The following ATXN7 variants were observed in gnomAD, a reference collection of about 807,000 sequenced individuals.
ATXN7 encodes ataxin 7.
In ATXN7, 12 loss-of-function variants were observed where a neutral mutation model predicts 70.5. The ratio of observed to expected loss-of-function variants is 0.17; its 90% CI spans 0.11 to 0.28. The LOEUF (loss-of-function observed/expected upper bound fraction) is 0.28. ATXN7 is among the 10% of genes least tolerant of loss of function. The pLI is 1.00. For synonymous variants in ATXN7, 498 were observed against 448.7 expected, an observed-to-expected ratio of 1.11 and a Z score of -1.39; for missense variants, 1,256 against 1,131.7, an observed-to-expected ratio of 1.11 and a Z score of -1.58.
In ATXN7 at chr3:63,996,338, G is replaced by A; in HGVS notation, c.2516G>A (p.Cys839Tyr). 2 of 1,614,148 alleles carry A rather than the reference G, an allele frequency of 1.2e-6. No homozygotes were observed. Among genetic ancestry groups the A allele is most frequent in the Non-Finnish European group, 1.7e-6 (2 of 1,180,024 alleles). The change falls in exon 12 of 13, where the codon TGC becomes TAC. Residue 839 changes from cysteine to tyrosine, a missense_variant. By Grantham distance (194) the Cys-to-Tyr change is radical (BLOSUM62 -2). Coordinates refer to ENST00000674280, the MANE Select transcript of ATXN7 (RefSeq NM_001377405.1). ...AAACTCATAGGAAAGAAAAGAAAGTGCTCACCCAGCTCGAGCAGCATCAAC... is the reference window on the plus strand; with the variant it reads ...AAACTCATAGGAAAGAAAAGAAAGTACTCACCCAGCTCGAGCAGCATCAAC... ...LDKLIGKKRK[C>Y]SPSSSSINNS...
At chr3:63,929,645 A>G (rs1169380261) in intron 4 of ATXN7, among the ~76,000 whole-genome samples, 2 of 152,126 alleles carry the variant, frequency 1.3e-5, no homozygotes, top group Non-Finnish European at 2.9e-5. Context: ...GATATTAAGT[A>G]ACTAAGTAGA....
At chr3:63,998,201 G>T in intron 12 of ATXN7, 1 of 692,992 alleles carries the variant, frequency 1.4e-6, no homozygotes, top group Non-Finnish European at 1.7e-6. Context: ...AAGGACAGAA[G>T]GGGGGGGGGC....
rs565274826 is a variant in ATXN7, at chr3:63,952,154, T to C, written c.395-225T>C. 1.4e-4 allele frequency among the ~76,000 whole-genome samples: 22 copies of C among 152,362 alleles called. No homozygotes were observed. In the South Asian group the frequency reaches 4.3e-3, roughly 30 times the overall value. ...TATTCATTGTTTGCATTTTAAAAGA[T>C]TGTTTCACCACATCATAATTATTTT... On this transcript the variant is annotated intron_variant, in intron 4 of 12. Transcript: ENST00000674280.
intron 5 of ATXN7, among the ~76,000 whole-genome samples, chr3:63,976,037 G>A (rs912670254): frequency 3.9e-5 from 6 of 152,142 alleles, no homozygotes; most frequent in South Asian, 2.1e-4. Context: ...AGAGAGGAGC[G>A]CTTTGAAAAC....
At chr3:63,866,280 C>G (rs1044248978) in intron 1 of ATXN7, among the ~76,000 whole-genome samples, 2 of 152,134 alleles carry the variant, frequency 1.3e-5, no homozygotes, top group South Asian at 2.1e-4. Context: ...CAGGACCTTC[C>G]TCTGTTGCCT....
intron 11 of ATXN7, among the ~76,000 whole-genome samples, chr3:63,992,113 G>A (rs1260805329): frequency 6.6e-6 from 1 of 152,130 alleles, no homozygotes; most frequent in Non-Finnish European, 1.5e-5. Flanking sequence ...AATGGACTCT[G>A]CCAGTACATT....
At position 63,936,045 on chromosome 3, in the gene ATXN7, G is replaced by A. The variant is rs147262964; in HGVS notation, c.395-16334G>A. On this transcript the variant is annotated intron_variant, in intron 4 of 12. Coordinates refer to ENST00000674280, the MANE Select transcript of ATXN7 (RefSeq NM_001377405.1). ...GAAATATGCTTGGAGTAGGAGGTAT[G>A]AATCAACTAAGATGTTAAGATGTAA... Among the ~76,000 whole-genome samples the A allele has an allele frequency of 5.1e-3, 775 of 152,282 alleles. 28 individuals carry two copies. Among genetic ancestry groups the A allele is most frequent in the Admixed American group, 0.046 (702 of 15,300 alleles).
At chr3:63,972,614 C>T (rs2075329639) in intron 5 of ATXN7, among the ~76,000 whole-genome samples, 1 of 152,162 alleles carries the variant, frequency 6.6e-6, no homozygotes, top group Non-Finnish European at 1.5e-5. Context: ...TCCTGAGTGT[C>T]TTCTGAGTTC....
upstream of ATXN7, chr3:63,863,221 G>A (rs999640233): frequency 7.7e-5 from 12 of 155,596 alleles, no homozygotes; most frequent in Non-Finnish European, 1.7e-4. Flanking sequence ...TATGCCCCAG[G>A]ACCCCTCCTG....
At chr3:63,865,231 T>C (rs1031844603) in intron 1 of ATXN7, 8 of 152,348 alleles carry the variant, frequency 5.3e-5, no homozygotes, top group Admixed American at 2.0e-4. Flanking sequence ...GCAAGAAATA[T>C]GTACAATTTT....
At chr3:63,962,472 T>A (rs2075146587) in intron 5 of ATXN7, among the ~76,000 whole-genome samples, 2 of 152,024 alleles carry the variant, frequency 1.3e-5, no homozygotes, top group African/African-American at 2.4e-5. Flanking sequence ...TGGTGCAATC[T>A]CAGCTCACTG....
At chr3:63,881,697 T>A (rs1439444196) in intron 1 of ATXN7, among the ~76,000 whole-genome samples, 3 of 152,060 alleles carry the variant, frequency 2.0e-5, no homozygotes, top group Non-Finnish European at 4.4e-5. Flanking sequence ...ACCATGTTGG[T>A]CGGGCTGGTC....
intron 1 of ATXN7, among the ~76,000 whole-genome samples, chr3:63,884,234 C>CAT (rs1559619571): frequency 1.4e-5 from 2 of 141,148 alleles, no homozygotes; most frequent in Non-Finnish European, 3.2e-5. Context: ...CACACACACA[C>CAT]ACACACATAC....
At position 64,001,630 on chromosome 3, in the gene ATXN7, G is replaced by A. The variant is rs1204461484; in HGVS notation, c.*2163G>A. 1.3e-5 allele frequency: 2 copies of A among 152,164 alleles called. No individual in the cohort carries two copies. Among genetic ancestry groups the A allele is most frequent in the Admixed American group, 6.5e-5 (1 of 15,280 alleles). The allele number at this position is 152,164 out of a possible 1,614,324, so 9.4% of individuals were successfully genotyped here. On this transcript the variant is annotated 3_prime_UTR_variant, in exon 13 of 13. Transcript: ENST00000674280. The stretch of plus-strand genomic sequence containing the variant: ...TTAGATTAGCAAGTATTGAACATTT[G>A]ATTTCTTAGACTGAGGTTTTAAATG...
chr3:63,946,777 G>C (rs72883984), intron 4 of ATXN7, among the ~76,000 whole-genome samples: 11,518 of 152,170 alleles, frequency 0.076, 953 homozygotes, highest in African/African-American at 0.2. Context: ...CCTTGTTGCA[G>C]AGCAGTAGGT....
chr3:63,912,807 C>T lies in ATXN7; in HGVS notation c.209C>T (p.Thr70Ile). Residue 70 changes from threonine (T) to isoleucine (I), a missense_variant, in exon 3 of 13, where the codon ACC becomes ATC. Physicochemically the swap from Thr to Ile is moderately conservative, Grantham distance 89. Coordinates refer to ENST00000674280, the MANE Select transcript of ATXN7 (RefSeq NM_001377405.1). ...GACGGCGGGCCCGGCGCCGCCTCCA[C>T]CTCGGCCGCCGCAATGGCGACGGTC... ...PEDGGPGAASTSAAAMATVGE... is the reference protein window; with the variant it reads ...PEDGGPGAASISAAAMATVGE... 6.4e-7 allele frequency: 1 copy of T among 1,564,914 alleles called. No individual in the cohort carries two copies. The highest frequency in any genetic ancestry group is 1.4e-5 in the African/African-American group (1 of 70,732).
chr3:63,938,663 G>A (rs903724931), intron 4 of ATXN7, among the ~76,000 whole-genome samples: 1 of 152,256 alleles, frequency 6.6e-6, no homozygotes, highest in Non-Finnish European at 1.5e-5. Context: ...AGTGCTGTCA[G>A]CTGTGAGGCA....
chr3:63,931,900 G>C (rs187306469), intron 4 of ATXN7, among the ~76,000 whole-genome samples: 1 of 152,194 alleles, frequency 6.6e-6, no homozygotes, highest in Non-Finnish European at 1.5e-5. Context: ...AAGGACGAGG[G>C]TGTGGGCTTT....
At chr3:63,962,726 T>G (rs2106695194) in intron 5 of ATXN7, among the ~76,000 whole-genome samples, 1 of 151,896 alleles carries the variant, frequency 6.6e-6, no homozygotes, top group Non-Finnish European at 1.5e-5. Flanking sequence ...ATACTGAAGA[T>G]TTGTAGTGAG....
Sources: allele counts gnomAD v4.1 joint callset (sites outside exome capture counted in the v4.1 genomes callset), GRCh38; gene constraint gnomAD v4.1.1; transcripts MANE v1.5; gene names NCBI Gene and HGNC (gene_info 2026-07-23, HGNC 2026-07-21).